Variants in KMT2C observed in about 807,000 individuals in gnomAD.
KMT2C encodes lysine methyltransferase 2C, also known as histone-lysine N-methyltransferase 2C.
A neutral mutation model predicts 507.9 loss-of-function variants in KMT2C; 88 were observed. The observed-to-expected ratio is 0.17, with a 90% CI of 0.15 to 0.21. The LOEUF is 0.21. Ranked by LOEUF, KMT2C falls within the 10% of genes least tolerant of loss-of-function variation. KMT2C has a pLI of 1.00. For synonymous variants in KMT2C, 2,049 were observed against 2,080.8 expected (o/e 0.98, Z 0.42); for missense variants, 4,954 against 5,957.8 (o/e 0.83, Z 5.55).
At chr7:152,295,878 A>C (rs546892911) in intron 6 of KMT2C, among the ~76,000 whole-genome samples, 4 of 151,696 alleles carry the variant, frequency 2.6e-5, no homozygotes, top group African/African-American at 9.7e-5. Flanking sequence ...CATCCTAGCT[A>C]ACACGGTGAA....
intron 3 of KMT2C, among the ~76,000 whole-genome samples, chr7:152,324,589 G>T (rs1023913650): frequency 6.6e-6 from 1 of 151,828 alleles, no homozygotes; most frequent in Non-Finnish European, 1.5e-5. Flanking sequence ...TTGGAAGTGG[G>T]GAGCAAATTT....
At chr7:152,214,176 A>AAC (rs955743460) in intron 23 of KMT2C, among the ~76,000 whole-genome samples, 4 of 152,078 alleles carry the variant, frequency 2.6e-5, no homozygotes, top group African/African-American at 9.7e-5. Flanking sequence ...TTAAAAAAAA[A>AAC]AAAACTACCA....
intron 6 of KMT2C, among the ~76,000 whole-genome samples, chr7:152,299,505 G>C (rs1268855658): frequency 1.3e-5 from 2 of 151,256 alleles, no homozygotes; most frequent in African/African-American, 4.9e-5. Flanking sequence ...ATAAAACAAA[G>C]TAGCCAGGTG....
chr7:152,226,961 G>T (rs762478358), intron 18 of KMT2C, among the ~76,000 whole-genome samples: 8 of 152,192 alleles, frequency 5.3e-5, no homozygotes, highest in Non-Finnish European at 1.0e-4. Flanking sequence ...GAGGTGTTCA[G>T]TGGCAGAATT....
At chr7:152,200,128 C>T (rs2094087941) in intron 26 of KMT2C, among the ~76,000 whole-genome samples, 1 of 152,188 alleles carries the variant, frequency 6.6e-6, no homozygotes, top group South Asian at 2.1e-4. Context: ...AGGAACTCTG[C>T]TTTAGTCTAT....
At chr7:152,235,271 T>C (rs2095244463) in intron 16 of KMT2C, among the ~76,000 whole-genome samples, 1 of 150,870 alleles carries the variant, frequency 6.6e-6, no homozygotes, top group Non-Finnish European at 1.5e-5. Context: ...ATATCAACTG[T>C]ACCTCAATAA....
At chr7:152,263,162 A>T in intron 8 of KMT2C, 32 bp from the exon 9 acceptor site, 1 of 1,558,840 alleles carries the variant, frequency 6.4e-7, no homozygotes, top group Non-Finnish European at 8.8e-7. Flanking sequence ...ATGATGCCTT[A>T]TCTTTAAACT....
At chr7:152,211,027 A>C (rs1010923695) in intron 23 of KMT2C, among the ~76,000 whole-genome samples, 1 of 151,826 alleles carries the variant, frequency 6.6e-6, no homozygotes, top group Non-Finnish European at 1.5e-5. Context: ...GCAGACTGAA[A>C]GAGACCACTC....
intron 22 of KMT2C, 91 bp downstream of exon 22, chr7:152,221,910 G>C (rs2094784227): frequency 8.0e-6 from 7 of 870,246 alleles, no homozygotes; most frequent in Non-Finnish European, 1.3e-5. Flanking sequence ...ACACCCATAT[G>C]ATTGAAGCAG....
In KMT2C at chr7:152,144,970, TCTTA is replaced by T. The variant is rs2090956459; in HGVS notation, c.14175-93_14175-90del. On this transcript the variant is annotated intron_variant, in intron 54 of 58. Coordinates refer to ENST00000262189, the MANE Select transcript of KMT2C (RefSeq NM_170606.3). The surrounding 1 kb of genome is among the most constrained non-coding windows in gnomAD (Gnocchi z 4.4). The stretch of plus-strand genomic sequence containing the variant: ...TGCCCAAAACCAGGTTAATTCAGAT[TCTTA>T]CTGACAGAAACATACATGGAAAGCT... The T allele has an allele frequency of 4.2e-6, 6 of 1,427,166 alleles. No individual in the cohort carries two copies. In the Admixed American group the frequency reaches 1.2e-4, roughly 28 times the overall value. 88.4% of individuals were successfully genotyped at this position (1,427,166 alleles called of 1,614,324 possible).
intron 14 of KMT2C, among the ~76,000 whole-genome samples, chr7:152,240,122 T>C (rs11978988): frequency 0.044 from 6,687 of 152,252 alleles, 211 homozygotes; most frequent in South Asian, 0.089. Context: ...TGTTCTTTCT[T>C]ACCCATCAAA....
chr7:152,328,951 T>G (rs1026442711), intron 3 of KMT2C, among the ~76,000 whole-genome samples: 1 of 151,952 alleles, frequency 6.6e-6, no homozygotes, highest in Non-Finnish European at 1.5e-5. Flanking sequence ...GTACTGGACA[T>G]GTTAAGGGTG....
At chr7:152,371,964 T>G (rs1483388965) in intron 1 of KMT2C, among the ~76,000 whole-genome samples, 1 of 151,218 alleles carries the variant, frequency 6.6e-6, no homozygotes, top group East Asian at 2.0e-4. Flanking sequence ...ACAAGATACA[T>G]GAAACAGAAA....
chr7:152,319,085 T>C (rs2096747835), intron 3 of KMT2C, among the ~76,000 whole-genome samples: 2 of 152,170 alleles, frequency 1.3e-5, no homozygotes, highest in African/African-American at 4.8e-5. Context: ...ATAAAATTAC[T>C]TAAATATTCT....
At chr7:152,208,812 T>C (rs2094376586) in intron 23 of KMT2C, among the ~76,000 whole-genome samples, 1 of 152,204 alleles carries the variant, frequency 6.6e-6, no homozygotes, top group African/African-American at 2.4e-5. Context: ...TGGTCTATAT[T>C]TGAGGCCAAT....
At chr7:152,383,157 T>C in intron 1 of KMT2C, among the ~76,000 whole-genome samples, 1 of 151,618 alleles carries the variant, frequency 6.6e-6, no homozygotes, top group Non-Finnish European at 1.5e-5. Context: ...TGTGTATGCA[T>C]GCATGTAAAT....
intron 26 of KMT2C, among the ~76,000 whole-genome samples, chr7:152,201,696 TA>T (rs552707818): frequency 1.4e-5 from 2 of 142,440 alleles, no homozygotes; most frequent in Non-Finnish European, 3.1e-5. Context: ...AATGATCGTT[TA>T]AAAAAAAACA....
chr7:152,429,795 A>C (rs2097850177), intron 1 of KMT2C, among the ~76,000 whole-genome samples: 1 of 151,732 alleles, frequency 6.6e-6, no homozygotes, highest in Non-Finnish European at 1.5e-5. Flanking sequence ...CTGGGATTAC[A>C]GGTGTGAGCC....
intron 2 of KMT2C, among the ~76,000 whole-genome samples, chr7:152,340,198 G>C (rs1470165625): frequency 2.0e-5 from 3 of 147,276 alleles, no homozygotes; most frequent in Non-Finnish European, 4.5e-5. Context: ...ATGTTGCCCA[G>C]GCTGGTCTCG....
Sources: allele counts gnomAD v4.1 joint callset (sites outside exome capture counted in the v4.1 genomes callset), GRCh38; gene constraint gnomAD v4.1.1; non-coding constraint Gnocchi (gnomAD v3.1); transcripts MANE v1.5; gene names NCBI Gene and HGNC (gene_info 2026-07-23, HGNC 2026-07-21).